Variants in ASAP1 observed in about 807,000 individuals in gnomAD.
The protein encoded by ASAP1 is arf-GAP with SH3 domain, ANK repeat and PH domain-containing protein 1.
ASAP1 carries 43 observed loss-of-function variants against 145.2 expected under a neutral mutation model. The observed-to-expected ratio is 0.30, with a 90% CI of 0.23 to 0.38. ASAP1 has a LOEUF of 0.38. Ranked by LOEUF, ASAP1 falls within the 10% of genes least tolerant of loss-of-function variation. The probability of loss-of-function intolerance (pLI) is 1.00; values close to 1 mark genes in which losing one functional copy is unlikely to be tolerated. For synonymous variants in ASAP1, 546 were observed against 515.5 expected (o/e 1.06, Z -0.80); for missense variants, 1,018 against 1,355.3 (o/e 0.75, Z 3.91).
At chr8:130,259,509 AC>A (rs2136955912) in intron 3 of ASAP1, among the ~76,000 whole-genome samples, 1 of 152,328 alleles carries the variant, frequency 6.6e-6, no homozygotes, top group East Asian at 1.9e-4. Flanking sequence ...ACAAAACAAA[AC>A]AACAAAAAAA....
intron 3 of ASAP1, among the ~76,000 whole-genome samples, chr8:130,272,017 T>C (rs1246420242): frequency 2.0e-5 from 3 of 152,108 alleles, no homozygotes; most frequent in Admixed American, 2.0e-4. Flanking sequence ...AAAGACTTAC[T>C]GTCACTAAAA....
intron 27 of ASAP1, among the ~76,000 whole-genome samples, chr8:130,066,562 CTTTCTTTCTTT>C (rs1480181870): frequency 6.6e-6 from 1 of 151,552 alleles, no homozygotes; most frequent in African/African-American, 2.4e-5. Context: ...CTTTCTCATT[CTTTCTTTCTTT>C]TTTCTTTCTT....
rs1457387186 is a variant in ASAP1, at chr8:130,387,651, C to T, written c.59+14234G>A. On this transcript the variant is annotated intron_variant, in intron 2 of 29. Transcript: ENST00000518721. ...CAGCCTGGATGACAGAGCGAGACTC[C>T]ATCTCAGAAAAAAAAAAAAAAAGCC... is the stretch of plus-strand genomic sequence containing the variant. 5.0e-5 allele frequency among the ~76,000 whole-genome samples: 7 copies of T among 140,684 alleles called. No individual in the cohort carries two copies. The Admixed American group carries it at 5.0e-4, about 10-fold the overall frequency. 92.3% of individuals were successfully genotyped at this position (140,684 alleles called of 152,430 possible). A position where few individuals can be genotyped will look rare whatever the true frequency, so the allele number is the denominator to read the frequency against.
intron 25 of ASAP1, among the ~76,000 whole-genome samples, chr8:130,088,191 T>C (rs554352409): frequency 7.2e-5 from 11 of 152,206 alleles, no homozygotes; most frequent in Middle Eastern, 3.4e-3. Context: ...GGTGCAATGG[T>C]GCAATCTCGG....
At chr8:130,360,642 A>G (rs950733195) in intron 2 of ASAP1, 1 of 152,260 alleles carries the variant, frequency 6.6e-6, no homozygotes, top group African/African-American at 2.4e-5. Flanking sequence ...AGTCAACTTC[A>G]AAACACATTC....
chr8:130,366,714 T>C (rs890109559), intron 2 of ASAP1, among the ~76,000 whole-genome samples: 2 of 151,998 alleles, frequency 1.3e-5, no homozygotes, highest in African/African-American at 4.8e-5. Context: ...TTAAATTACT[T>C]TATTGTTAAA....
chr8:130,414,961 T>C lies in ASAP1; in HGVS notation c.-27-12991A>G, dbSNP rs184549051. Among the ~76,000 whole-genome samples, 150 of 152,328 alleles carry C rather than the reference T, an allele frequency of 9.8e-4. 1 individual carries two copies. The highest frequency in any genetic ancestry group is 3.2e-3 in the African/African-American group (133 of 41,588). On this transcript the variant is annotated intron_variant, in intron 1 of 29. Coordinates refer to ENST00000518721, the MANE Select transcript of ASAP1 (RefSeq NM_018482.4). Reference sequence around the variant, plus strand: ...TTAGTAGAGACAGGATTTCACCATATTGGTCAGGCTAGTCACGAACTCCTG... The same window carrying C: ...TTAGTAGAGACAGGATTTCACCATACTGGTCAGGCTAGTCACGAACTCCTG...
intron 3 of ASAP1, among the ~76,000 whole-genome samples, chr8:130,355,422 A>T (rs1255756211): frequency 1.3e-5 from 2 of 152,246 alleles, no homozygotes; most frequent in African/African-American, 4.8e-5. Flanking sequence ...TACTAGAACT[A>T]GGAAAATGTT....
chr8:130,322,325 T>G (rs1824058506), intron 3 of ASAP1, among the ~76,000 whole-genome samples: 1 of 151,268 alleles, frequency 6.6e-6, no homozygotes, highest in African/African-American at 2.4e-5. Flanking sequence ...AAAATGAAAA[T>G]GCTGTAACTA....
intron 24 of ASAP1, among the ~76,000 whole-genome samples, chr8:130,101,731 A>ACTTTTTTT (rs2097529080): frequency 2.5e-5 from 1 of 39,634 alleles, no homozygotes; most frequent in Non-Finnish European, 4.6e-5. Flanking sequence ...ACACCTGGTT[A>ACTTTTTTT]ATTTTTTTTT....
At chr8:130,344,309 A>T (rs1825569610) in intron 3 of ASAP1, among the ~76,000 whole-genome samples, 2 of 152,238 alleles carry the variant, frequency 1.3e-5, no homozygotes, top group Admixed American at 1.3e-4. Context: ...GGAAATTTGA[A>T]CAGCGACTGA....
At chr8:130,135,890 T>G (rs1309350450) in intron 14 of ASAP1, among the ~76,000 whole-genome samples, 1 of 152,234 alleles carries the variant, frequency 6.6e-6, no homozygotes, top group African/African-American at 2.4e-5. Flanking sequence ...ATACAGATGC[T>G]GCAGAATACA....
chr8:130,068,513 G>A (rs1025866623), intron 27 of ASAP1, among the ~76,000 whole-genome samples: 5 of 152,200 alleles, frequency 3.3e-5, no homozygotes, highest in African/African-American at 1.2e-4. Flanking sequence ...AAAACGCACT[G>A]TAAGAGTGAC....
intron 18 of ASAP1, 200 bp from the exon 19 acceptor site, chr8:130,118,875 A>T: frequency 3.1e-6 from 1 of 322,592 alleles, no homozygotes; most frequent in Non-Finnish European, 5.6e-6. Context: ...AATATATACA[A>T]GTAATAGATA....
chr8:130,065,629 G>A (rs1188421026), intron 27 of ASAP1, among the ~76,000 whole-genome samples: 2 of 152,086 alleles, frequency 1.3e-5, no homozygotes, highest in Non-Finnish European at 2.9e-5. Context: ...TATATCTACA[G>A]CTCCATAGGC....
At chr8:130,182,831 CAAA>C (rs35195899) in intron 7 of ASAP1, among the ~76,000 whole-genome samples, 25 of 73,584 alleles carry the variant, frequency 3.4e-4, no homozygotes, top group East Asian at 2.1e-3. Flanking sequence ...TATAAAAAGG[CAAA>C]AAAAAAAAAA....
intron 25 of ASAP1, among the ~76,000 whole-genome samples, chr8:130,089,570 G>C (rs1047115258): frequency 1.3e-5 from 2 of 152,196 alleles, no homozygotes; most frequent in Non-Finnish European, 2.9e-5. Flanking sequence ...GATCCCCTAA[G>C]TGCCTTGCTG....
At chr8:130,224,249 T>C (rs1399218335) in intron 4 of ASAP1, among the ~76,000 whole-genome samples, 1 of 152,224 alleles carries the variant, frequency 6.6e-6, no homozygotes, top group Non-Finnish European at 1.5e-5. Context: ...CAGTGAGCTA[T>C]AATGTAATAA....
intron 3 of ASAP1, among the ~76,000 whole-genome samples, chr8:130,266,053 A>G (rs999361550): frequency 6.6e-6 from 1 of 152,146 alleles, no homozygotes; most frequent in Admixed American, 6.5e-5. Flanking sequence ...ACACTCTTGC[A>G]GAGACAGCAA....
Sources: allele counts gnomAD v4.1 joint callset (sites outside exome capture counted in the v4.1 genomes callset), GRCh38; gene constraint gnomAD v4.1.1; transcripts MANE v1.5; gene names NCBI Gene and HGNC (gene_info 2026-07-23, HGNC 2026-07-21).